The following MYH2 variants were observed in gnomAD, a reference collection of about 807,000 sequenced individuals.
MYH2 encodes myosin-2.
MYH2 carries 139 observed loss-of-function variants against 228.1 expected under a neutral mutation model. The ratio of observed to expected loss-of-function variants is 0.61; its 90% CI spans 0.53 to 0.70. The LOEUF is 0.70. Ranked by LOEUF, MYH2 falls within the 30% of genes least tolerant of loss-of-function variation. The pLI, the probability that MYH2 is intolerant of heterozygous loss-of-function variation, is 0.00. For synonymous variants in MYH2, 796 were observed against 871.1 expected, an observed-to-expected ratio of 0.91 and a Z score of 1.52; for missense variants, 1,809 against 2,357.5, an observed-to-expected ratio of 0.77 and a Z score of 4.82.
chr17:10,523,383 A>G lies in MYH2; in HGVS notation c.5502T>C (p.Ser1834=), dbSNP rs574872443. The G allele has an allele frequency of 5.6e-6, 9 of 1,614,076 alleles. No homozygotes were observed. In the South Asian group the frequency reaches 8.8e-5, roughly 16 times the overall value. The change falls in exon 38 of 40, where the codon AGT becomes AGC. Residue 1834 remains serine, a synonymous_variant. Coordinates refer to ENST00000245503, the MANE Select transcript of MYH2 (RefSeq NM_017534.6). ...RVRELEGEVE[S]EQKRNAEAVK... ...CAGCCTCAGCATTACGCTTTTGCTCACTCTCAACCTCTCCTTCCAGCTCCC... is the reference window on the plus strand; with the variant it reads ...CAGCCTCAGCATTACGCTTTTGCTCGCTCTCAACCTCTCCTTCCAGCTCCC...
chr17:10,532,442 C>T (rs2073436088), intron 21 of MYH2, among the ~76,000 whole-genome samples: 1 of 152,078 alleles, frequency 6.6e-6, no homozygotes, highest in South Asian at 2.1e-4. Context: ...TCTAATACCA[C>T]TTTTGTTTTC....
Position 10,525,654 on chromosome 17 carries a change from AAGAGT to A in MYH2, c.4371+34_4371+38del. 3 of 1,614,178 alleles carry A rather than the reference AAGAGT, an allele frequency of 1.9e-6. No homozygotes were observed. Among genetic ancestry groups the A allele is most frequent in the African/African-American group, 1.3e-5 (1 of 75,042 alleles). On this transcript the variant is annotated intron_variant, in intron 31 of 39. Coordinates refer to ENST00000245503, the MANE Select transcript of MYH2 (RefSeq NM_017534.6). The surrounding 1 kb of genome is among the most constrained non-coding windows in gnomAD (Gnocchi z 4.2). Reference sequence around the variant, plus strand: ...GACCTGTTACCTGCTGCAAAGACAAAAGAGTAGAGTAAAGAGCAGAAGATGCTGGA... The same window carrying A: ...GACCTGTTACCTGCTGCAAAGACAAAAGAGTAAAGAGCAGAAGATGCTGGA...
Position 10,537,106 on chromosome 17 carries a change from T to C in MYH2, c.1897+127A>G. On this transcript the variant is annotated intron_variant, in intron 16 of 39. Coordinates refer to ENST00000245503, the MANE Select transcript of MYH2 (RefSeq NM_017534.6). The surrounding 1 kb of genome is among the most constrained non-coding windows in gnomAD (Gnocchi z 4.0). The stretch of plus-strand genomic sequence containing the variant: ...ATGTATAATTACAAGGCTGCCTATC[T>C]ATTCAATACTTGGAGGAACCAGGGG... The C allele has an allele frequency of 8.0e-7, 1 of 1,250,376 alleles. No homozygotes were observed. The highest frequency in any genetic ancestry group is 1.2e-6 in the Non-Finnish European group (1 of 862,574). 77.5% of individuals were successfully genotyped at this position (1,250,376 alleles called of 1,614,324 possible). A position where few individuals can be genotyped will look rare whatever the true frequency, so the allele number is the denominator to read the frequency against.
chr17:10,521,472 A>C (rs145216234), intron 39 of MYH2, 40 bp from the exon 40 acceptor site: 45 of 1,603,836 alleles, frequency 2.8e-5, no homozygotes, highest in Non-Finnish European at 1.1e-5. Flanking sequence ...TCATACTTGC[A>C]TCTTTCTAGA....
In MYH2 at chr17:10,529,468, A is replaced by G; in HGVS notation, c.3131T>C (p.Leu1044Ser). The part of the protein sequence containing the change: ...EQQVDDLEGS[L>S]EQEKKLRMDL... Reference sequence around the variant, plus strand: ...CATGCGAAGTTTCTTTTCTTGCTCCAAGGACCCTTCAAGCTAAATATAAAT... The same window carrying G: ...CATGCGAAGTTTCTTTTCTTGCTCCGAGGACCCTTCAAGCTAAATATAAAT... Residue 1044 changes from leucine to serine, a missense_variant, in exon 25 of 40, where the codon TTG becomes TCG. Physicochemically the swap from Leu to Ser is moderately radical, Grantham distance 145. Coordinates refer to ENST00000245503, the MANE Select transcript of MYH2 (RefSeq NM_017534.6). 3.7e-6 allele frequency: 6 copies of G among 1,614,174 alleles called. No individual in the cohort carries two copies. The highest frequency in any genetic ancestry group is 5.1e-6 in the Non-Finnish European group (6 of 1,180,026).
chr17:10,524,619 C>T lies in MYH2; in HGVS notation c.5022G>A (p.Lys1674=), dbSNP rs1428777374. 6.2e-7 allele frequency: 1 copy of T among 1,614,224 alleles called. No individual in the cohort carries two copies. Among genetic ancestry groups the T allele is most frequent in the Admixed American group, 1.7e-5 (1 of 60,028 alleles). ...DDALRSQEDL[K]EQLAMVERRA... ...TGCGCTCCACCATGGCCAGCTGTTC[C>T]TTCAGGTCCTCCTGGCTCCGGAGAG... The change falls in exon 35 of 40, where the codon AAG becomes AAA. Residue 1674 remains lysine (K), a synonymous_variant. Coordinates refer to ENST00000245503, the MANE Select transcript of MYH2 (RefSeq NM_017534.6). The surrounding 1 kb of genome is among the most constrained non-coding windows in gnomAD (Gnocchi z 4.7).
At chr17:10,534,456 G>A (rs377278613) in intron 19 of MYH2, among the ~76,000 whole-genome samples, 86 of 152,332 alleles carry the variant, frequency 5.6e-4, no homozygotes, top group African/African-American at 2.0e-3. Context: ...TACTTGCACT[G>A]TGTTTTTGCG....
chr17:10,529,185 G>A lies in MYH2; in HGVS notation c.3331C>T (p.Gln1111Ter), dbSNP rs758264018. ...ACTTGCAATTCTTTAATTTTCTTCT[G>A]CAATTGAATGCCAAGTGCCTGTTCA... ...EDEQALGIQL[Q>*]KKIKELQARI... The change falls in exon 26 of 40, where the codon CAG becomes TAG. Residue 1111 changes from glutamine (Q) to a stop codon, truncating the protein, a stop_gained. Coordinates refer to ENST00000245503, the MANE Select transcript of MYH2 (RefSeq NM_017534.6). LOFTEE classifies it high-confidence loss of function. 68 of 1,614,070 alleles carry A rather than the reference G, an allele frequency of 4.2e-5. No homozygotes were observed. Among genetic ancestry groups the A allele is most frequent in the Non-Finnish European group, 5.5e-5 (65 of 1,180,046 alleles).
At chr17:10,544,495 G>C (rs1466417593) in intron 5 of MYH2, among the ~76,000 whole-genome samples, 1 of 152,142 alleles carries the variant, frequency 6.6e-6, no homozygotes, top group Non-Finnish European at 1.5e-5. Context: ...AACACCAAAA[G>C]TAGACTTGGC....
At chr17:10,546,390 C>T (rs1328541161) in intron 4 of MYH2, among the ~76,000 whole-genome samples, 1 of 150,644 alleles carries the variant, frequency 6.6e-6, no homozygotes, top group East Asian at 2.0e-4. Flanking sequence ...TCTAGGTACA[C>T]TTGTATAGGT....
rs746307508 is a variant in MYH2 at position 10,523,825 on chromosome 17, T to C, written c.5235A>G (p.Gly1745=). The change falls in exon 36 of 40, where the codon GGA becomes GGG. Residue 1745 remains glycine (G), a synonymous_variant. Coordinates refer to ENST00000245503, the MANE Select transcript of MYH2 (RefSeq NM_017534.6). ...CTTCCTGGAGAATGTCCTCCATCTC[T>C]CCTTGCATTTGGGAAATATCTGTCT... The part of the protein sequence containing the change: ...KLETDISQMQ[G]EMEDILQEAR... 3.1e-6 allele frequency: 5 copies of C among 1,614,238 alleles called. No individual in the cohort carries two copies. Among genetic ancestry groups the C allele is most frequent in the Non-Finnish European group, 4.2e-6 (5 of 1,180,030 alleles).
At position 10,525,527 on chromosome 17, in the gene MYH2, C is replaced by T. The variant is rs1434544928; in HGVS notation, c.4461G>A (p.Leu1487=). The change falls in exon 32 of 40, where the codon CTG becomes CTA. Residue 1487 remains leucine (L), a synonymous_variant. Coordinates refer to ENST00000245503, the MANE Select transcript of MYH2 (RefSeq NM_017534.6). The surrounding 1 kb of genome is among the most constrained non-coding windows in gnomAD (Gnocchi z 4.2). The part of the protein sequence containing the change: ...QKEARSLGTE[L]FKIKNAYEES... The stretch of plus-strand genomic sequence containing the variant: ...CCTCATAGGCATTCTTTATCTTGAA[C>T]AGCTCAGTGCCAAGGGAACGGGCCT... 2 of 1,614,188 alleles carry T rather than the reference C, an allele frequency of 1.2e-6. No homozygotes were observed. The highest frequency in any genetic ancestry group is 1.7e-6 in the Non-Finnish European group (2 of 1,180,032).
Position 10,523,203 on chromosome 17 carries a change from G to C in MYH2, c.5578-18C>G, listed in dbSNP as rs1398942347. ...TCTTCCGTCTGAAAGATTATAAAAAGTCCAGGACCTTAATTACTAAAGCAC... is the reference window on the plus strand; with the variant it reads ...TCTTCCGTCTGAAAGATTATAAAAACTCCAGGACCTTAATTACTAAAGCAC... On this transcript the variant is annotated intron_variant, in intron 38 of 39. Coordinates refer to ENST00000245503, the MANE Select transcript of MYH2 (RefSeq NM_017534.6). 3 of 1,609,538 alleles carry C rather than the reference G, an allele frequency of 1.9e-6. No homozygotes were observed. The Middle Eastern group carries it at 5.0e-4, about 266-fold the overall frequency.
intron 5 of MYH2, among the ~76,000 whole-genome samples, chr17:10,545,014 A>AGTGTGTCTGTGT (rs1555572009): frequency 4.7e-5 from 7 of 150,428 alleles, no homozygotes; most frequent in Admixed American, 3.3e-4. Flanking sequence ...TGCGTGCATG[A>AGTGTGTCTGTGT]GTGTGTGTGT....
At position 10,539,961 on chromosome 17, in the gene MYH2, G is replaced by A. The variant is rs763200709; in HGVS notation, c.1114C>T (p.Arg372Cys). The A allele has an allele frequency of 3.7e-6, 6 of 1,613,770 alleles. No individual in the cohort carries two copies. The highest frequency in any genetic ancestry group is 2.2e-5 in the East Asian group (1 of 44,860). ...YGNLKFKQKQREEQAEPDGTE... is the reference protein window; with the variant it reads ...YGNLKFKQKQCEEQAEPDGTE... ...CCATCTGGCTCTGCTTGCTCCTCAC[G>A]CTGCTTTTGCTTAAATTTTAGGTTC... Residue 372 changes from arginine to cysteine, a missense_variant, in exon 12 of 40, where the codon CGT (arginine) becomes TGT (cysteine). Arg to Cys is a radical substitution (Grantham distance 180, BLOSUM62 -3). Coordinates refer to ENST00000245503, the MANE Select transcript of MYH2 (RefSeq NM_017534.6).
intron 5 of MYH2, among the ~76,000 whole-genome samples, chr17:10,544,698 G>A (rs760199521): frequency 2.0e-5 from 3 of 152,154 alleles, no homozygotes; most frequent in African/African-American, 4.8e-5. Flanking sequence ...ATGTTTTACT[G>A]TCTCTGAAGA....
rs142423594 is a variant in MYH2 at position 10,539,547 on chromosome 17, G to T, written c.1163C>A (p.Ala388Asp). The stretch of plus-strand genomic sequence containing the variant: ...TGCAGAGTTCAGACTCTGGAGGTAG[G>T]CCGCCTTGTCAGCAACTAAAAAGAA... ...PDGTEVADKAAYLQSLNSADL... is the reference protein window; with the variant it reads ...PDGTEVADKADYLQSLNSADL... Residue 388 changes from alanine (A) to aspartate (D), a missense_variant, in exon 13 of 40, where the codon GCC becomes GAC. Around this residue, in one of 9 missense-constraint regions of MYH2, gnomAD observed 373 missense variants for 620.4 expected, o/e 0.60. Coordinates refer to ENST00000245503, the MANE Select transcript of MYH2 (RefSeq NM_017534.6). 2.5e-6 allele frequency: 4 copies of T among 1,614,060 alleles called. No homozygotes were observed. Among genetic ancestry groups the T allele is most frequent in the South Asian group, 2.2e-5 (2 of 91,078 alleles).
chr17:10,530,094 C>T lies in MYH2; in HGVS notation c.2698-20G>A, dbSNP rs1448968025. ...GGCTTCCTTAAGTTGGAAACAAGAT[C>T]AAAATTGGGAAGAAAGAATGAAATA... On this transcript the variant is annotated intron_variant, in intron 22 of 39. Transcript: ENST00000245503. The T allele has an allele frequency of 1.9e-6, 3 of 1,614,052 alleles. No homozygotes were observed. Among genetic ancestry groups the T allele is most frequent in the Non-Finnish European group, 2.5e-6 (3 of 1,180,030 alleles).
intron 2 of MYH2, 116 bp from the exon 3 acceptor site, chr17:10,548,056 G>T: frequency 1.2e-6 from 1 of 869,364 alleles, no homozygotes; most frequent in Non-Finnish European, 1.8e-6. Context: ...CAGGTCTACT[G>T]TTCACCATAC....
Sources: gnomAD v4.1 joint callset for allele counts (sites outside exome capture counted in the v4.1 genomes callset) on GRCh38, gnomAD v4.1.1 for gene constraint, gnomAD v4.1.1 regional missense constraint, Gnocchi (gnomAD v3.1) non-coding constraint, MANE v1.5 for transcripts, NCBI Gene and HGNC (gene_info 2026-07-23, HGNC 2026-07-21) for gene names.